LRATD2: variants seen among roughly 807,000 people sequenced by gnomAD.
The protein encoded by LRATD2 is protein LRATD2.
In LRATD2, 10 loss-of-function variants were observed where a neutral mutation model predicts 12.0. That is an observed-to-expected ratio of 0.83 (90% CI 0.51 to 1.41). LRATD2 has a LOEUF of 1.41. LRATD2 is among the 40% of genes most tolerant of loss of function. The pLI is 0.00. For synonymous variants in LRATD2, 220 were observed against 205.8 expected, an observed-to-expected ratio of 1.07 and a Z score of -0.59; for missense variants, 455 against 446.1, an observed-to-expected ratio of 1.02 and a Z score of -0.18.
Position 126,557,444 on chromosome 8 carries a change from C to G in LRATD2, c.-55G>C. The G allele has an allele frequency of 6.3e-7, 1 of 1,583,344 alleles. No homozygotes were observed. Among genetic ancestry groups the G allele is most frequent in the Non-Finnish European group, 8.6e-7 (1 of 1,164,532 alleles). ...CAAGGGGAGAAAGCGAAACCAACTCCAGGGTCATTTGCACAGGTCCCCGGA... is the reference window on the plus strand; with the variant it reads ...CAAGGGGAGAAAGCGAAACCAACTCGAGGGTCATTTGCACAGGTCCCCGGA... On this transcript the variant is annotated 5_prime_UTR_variant, in exon 2 of 2. Coordinates refer to ENST00000304916, the MANE Select transcript of LRATD2 (RefSeq NM_174911.5). The surrounding 1 kb of genome is among the most constrained non-coding windows in gnomAD (Gnocchi z 5.3).
At position 126,555,930 on chromosome 8, in the gene LRATD2, A is replaced by T. The variant is rs1182641708; in HGVS notation, c.*527T>A. 6.5e-6 allele frequency: 1 copy of T among 153,954 alleles called. No homozygotes were observed. Among genetic ancestry groups the T allele is most frequent in the Non-Finnish European group, 1.5e-5 (1 of 68,960 alleles). 9.5% of individuals were successfully genotyped at this position (153,954 alleles called of 1,614,324 possible). A position where few individuals can be genotyped will look rare whatever the true frequency, so the allele number is the denominator to read the frequency against. ...ACCAGCCCTGCGCTCCAGGAATCCC[A>T]TAAAATAAATCACCCCAGCCTCCTG... On this transcript the variant is annotated 3_prime_UTR_variant, in exon 2 of 2. Transcript: ENST00000304916.
chr8:126,556,544 G>A lies in LRATD2; in HGVS notation c.846C>T (p.Asp282=). The A allele has an allele frequency of 6.2e-7, 1 of 1,604,358 alleles. No homozygotes were observed. Among genetic ancestry groups the A allele is most frequent in the Non-Finnish European group, 8.5e-7 (1 of 1,176,354 alleles). ...GCGGCGTAGTCCGCGCCACGTTGCT[G>A]TCGCCCTCCTCCGGCTCCGCCGGGT... ...HLHPAEPEEG[D]SNVARTTPPP... Residue 282 remains aspartate (D), a synonymous_variant, in exon 2 of 2, where the codon GAC becomes GAT. Coordinates refer to ENST00000304916, the MANE Select transcript of LRATD2 (RefSeq NM_174911.5). The surrounding 1 kb of genome is among the most constrained non-coding windows in gnomAD (Gnocchi z 5.6).
rs1817449478 is a variant in LRATD2, at chr8:126,557,623, C to T, written c.-96-138G>A. 1.8e-6 allele frequency: 1 copy of T among 561,288 alleles called. No individual in the cohort carries two copies. 34.8% of individuals were successfully genotyped at this position (561,288 alleles called of 1,614,324 possible). On this transcript the variant is annotated intron_variant, in intron 1 of 1. Coordinates refer to ENST00000304916, the MANE Select transcript of LRATD2 (RefSeq NM_174911.5). The surrounding 1 kb of genome is among the most constrained non-coding windows in gnomAD (Gnocchi z 5.3). Reference sequence around the variant, plus strand: ...GTCTCGGGTGTAGCGAGCTTTCCCTCGTTTCTCCACCTGTAAGGTCACGGT... The same window carrying T: ...GTCTCGGGTGTAGCGAGCTTTCCCTTGTTTCTCCACCTGTAAGGTCACGGT...
rs1053985750 is a variant in LRATD2 at position 126,552,468 on chromosome 8, A to G, written c.*3989T>C. The G allele has an allele frequency of 3.3e-5, 5 of 152,658 alleles. No homozygotes were observed. The highest frequency in any genetic ancestry group is 1.2e-4 in the African/African-American group (5 of 41,448). The allele number at this position is 152,658 out of a possible 1,614,324, so 9.5% of individuals were successfully genotyped here. On this transcript the variant is annotated 3_prime_UTR_variant, in exon 2 of 2. Coordinates refer to ENST00000304916, the MANE Select transcript of LRATD2 (RefSeq NM_174911.5). ...TGAACTCTAATAGATGGTTTATTGG[A>G]AACGCTCATAGCATCTTTTGAAAAG...
At position 126,557,036 on chromosome 8, in the gene LRATD2, C is replaced by G. The variant is rs982973000; in HGVS notation, c.354G>C (p.Pro118=). ...GCGACACGAACTCCACCAGATCGCC[C>G]GGCTTGCACTTGTTGAGCAGGTTCT... ...TPENLLNKCK[P]GDLVEFVSQA... Residue 118 remains proline, a synonymous_variant, in exon 2 of 2, where the codon CCG becomes CCC. Transcript: ENST00000304916. The surrounding 1 kb of genome is among the most constrained non-coding windows in gnomAD (Gnocchi z 5.3). The G allele has an allele frequency of 1.2e-6, 2 of 1,606,988 alleles. No homozygotes were observed. The highest frequency in any genetic ancestry group is 8.5e-7 in the Non-Finnish European group (1 of 1,179,962).
rs1290266254 is a variant in LRATD2, at chr8:126,557,193, G to C, written c.197C>G (p.Pro66Arg). Residue 66 changes from proline to arginine, a missense_variant, in exon 2 of 2, where the codon CCG (proline) becomes CGG (arginine). Physicochemically the swap from Pro to Arg is moderately radical, Grantham distance 103 (BLOSUM62 -2). Transcript: ENST00000304916. The surrounding 1 kb of genome is among the most constrained non-coding windows in gnomAD (Gnocchi z 5.3). ...GTAGGGCTGCGGCTGGGGCGGCGGCGGCCCGTCCCCACCGTCGGGCAAGCC... is the reference window on the plus strand; with the variant it reads ...GTAGGGCTGCGGCTGGGGCGGCGGCCGCCCGTCCCCACCGTCGGGCAAGCC... ...GGGLPDGGDGPPPPQPQPYDP... is the reference protein window; with the variant it reads ...GGGLPDGGDGRPPPQPQPYDP... 2.5e-6 allele frequency: 4 copies of C among 1,602,714 alleles called. No individual in the cohort carries two copies. The highest frequency in any genetic ancestry group is 2.3e-5 in the East Asian group (1 of 44,184).
At position 126,556,910 on chromosome 8, in the gene LRATD2, C is replaced by T. The variant is rs558393893; in HGVS notation, c.480G>A (p.Gln160=). 5 of 1,609,574 alleles carry T rather than the reference C, an allele frequency of 3.1e-6. No individual in the cohort carries two copies. In the East Asian group the frequency reaches 8.9e-5, roughly 29 times the overall value. The part of the protein sequence containing the change: ...VINSFLTDAS[Q]GRRGRVVNDL... ...CGTTGACCACGCGGCCGCGACGGCC[C>T]TGGCTGGCGTCAGTCAGGAAGCTGT... The change falls in exon 2 of 2, where the codon CAG becomes CAA. Residue 160 remains glutamine, a synonymous_variant. Transcript: ENST00000304916. This position sits in a 1 kb window ranked among gnomAD's most constrained non-coding sequence, Gnocchi z 5.6.
chr8:126,552,785 C>G lies in LRATD2; in HGVS notation c.*3672G>C, dbSNP rs1333795786. 2.0e-5 allele frequency: 3 copies of G among 152,548 alleles called. No individual in the cohort carries two copies. The highest frequency in any genetic ancestry group is 4.4e-5 in the Non-Finnish European group (3 of 68,010). 9.4% of individuals were successfully genotyped at this position (152,548 alleles called of 1,614,324 possible). A position where few individuals can be genotyped will look rare whatever the true frequency, so the allele number is the denominator to read the frequency against. ...ACAAGTATTATAGCCAAGAACAAAA[C>G]AACAAAAAGCTGAATCAGTTGATAG... On this transcript the variant is annotated 3_prime_UTR_variant, in exon 2 of 2. Coordinates refer to ENST00000304916, the MANE Select transcript of LRATD2 (RefSeq NM_174911.5).
Position 126,557,026 on chromosome 8 carries a change from C to G in LRATD2, c.364G>C (p.Val122Leu). The G allele has an allele frequency of 6.2e-7, 1 of 1,606,852 alleles. No individual in the cohort carries two copies. Among genetic ancestry groups the G allele is most frequent in the Non-Finnish European group, 8.5e-7 (1 of 1,179,976 alleles). Residue 122 changes from valine to leucine, a missense_variant, in exon 2 of 2, where the codon GTG (valine) becomes CTG (leucine). Coordinates refer to ENST00000304916, the MANE Select transcript of LRATD2 (RefSeq NM_174911.5). This position sits in a 1 kb window ranked among gnomAD's most constrained non-coding sequence, Gnocchi z 5.3. ...LLNKCKPGDLVEFVSQAQYPH... is the reference protein window; with the variant it reads ...LLNKCKPGDLLEFVSQAQYPH... ...TACTGAGCCTGCGACACGAACTCCA[C>G]CAGATCGCCCGGCTTGCACTTGTTG...
rs1420294521 is a variant in LRATD2 at position 126,554,319 on chromosome 8, T to A, written c.*2138A>T. ...ACTGTGCCCGGCCTACCTTCTATTT[T>A]CACTACTGTGTTAAGCATGAAAGAA... On this transcript the variant is annotated 3_prime_UTR_variant, in exon 2 of 2. Transcript: ENST00000304916. 6.6e-6 allele frequency: 1 copy of A among 152,294 alleles called. No individual in the cohort carries two copies. The highest frequency in any genetic ancestry group is 1.5e-5 in the Non-Finnish European group (1 of 68,072). The allele number at this position is 152,294 out of a possible 1,614,324, so 9.4% of individuals were successfully genotyped here.
rs1817424280 is a variant in LRATD2 at position 126,557,074 on chromosome 8, TACTCA to T, written c.311_315del (p.Leu104HisfsTer34). On this transcript the variant is annotated frameshift_variant, in exon 2 of 2. Coordinates refer to ENST00000304916, the MANE Select transcript of LRATD2 (RefSeq NM_174911.5). LOFTEE classifies it high-confidence loss of function. This position sits in a 1 kb window ranked among gnomAD's most constrained non-coding sequence, Gnocchi z 5.3. Reference sequence around the variant, plus strand: ...TTGAGCAGGTTCTCGGGCGTGTAGGTACTCAGCGCCGCCGAGCCCGGCGCGAAGCT... The same window carrying T: ...TTGAGCAGGTTCTCGGGCGTGTAGGTGCGCCGCCGAGCCCGGCGCGAAGCT... 2.5e-6 allele frequency: 4 copies of T among 1,609,756 alleles called. No individual in the cohort carries two copies.
rs1354683569 is a variant in LRATD2, at chr8:126,552,549, T to C, written c.*3908A>G. ...AGTGAAGAGGAAATGGCTTAAAAGA[T>C]ATCATCAATCTTTTATTTAACTAAG... On this transcript the variant is annotated 3_prime_UTR_variant, in exon 2 of 2. Coordinates refer to ENST00000304916, the MANE Select transcript of LRATD2 (RefSeq NM_174911.5). 5 of 152,676 alleles carry C rather than the reference T, an allele frequency of 3.3e-5. No individual in the cohort carries two copies. Among genetic ancestry groups the C allele is most frequent in the Admixed American group, 2.0e-4 (3 of 15,280 alleles). 9.5% of individuals were successfully genotyped at this position (152,676 alleles called of 1,614,324 possible).
chr8:126,557,123 G>T lies in LRATD2; in HGVS notation c.267C>A (p.Asp89Glu). Residue 89 changes from aspartate to glutamate, a missense_variant, in exon 2 of 2, where the codon GAC (aspartate) becomes GAA (glutamate). By Grantham distance (45) the Asp-to-Glu change is conservative. Transcript: ENST00000304916. The surrounding 1 kb of genome is among the most constrained non-coding windows in gnomAD (Gnocchi z 5.3). ...CGAAGCTCTTCTGGTAGATGCATTC[G>T]TCCCGGTAGAACACGGAGCATTCCA... ...HEVECSVFYR[D>E]ECIYQKSFAP... 1 of 1,612,590 alleles carries T rather than the reference G, an allele frequency of 6.2e-7. No individual in the cohort carries two copies. The highest frequency in any genetic ancestry group is 1.1e-5 in the South Asian group (1 of 91,076).
At position 126,557,153 on chromosome 8, in the gene LRATD2, G is replaced by T. The variant is rs749315623; in HGVS notation, c.237C>A (p.His79Gln). ...GGTAGAACACGGAGCATTCCACCTC[G>T]TGCAGCCGCGGATCGTAGGGCTGCG... is the stretch of plus-strand genomic sequence containing the variant. ...PQPQPYDPRL[H>Q]EVECSVFYRD... is the part of the protein sequence containing the mutation. Residue 79 changes from histidine (H) to glutamine (Q), a missense_variant, in exon 2 of 2, where the codon CAC becomes CAA. Transcript: ENST00000304916. The surrounding 1 kb of genome is among the most constrained non-coding windows in gnomAD (Gnocchi z 5.3). The T allele has an allele frequency of 2.1e-5, 34 of 1,611,952 alleles. No individual in the cohort carries two copies. Among genetic ancestry groups the T allele is most frequent in the Admixed American group, 8.3e-5 (5 of 59,972 alleles).
In LRATD2 at chr8:126,556,465, C is replaced by T. The variant is rs1817394579; in HGVS notation, c.925G>A (p.Ala309Thr). ...TGCGCTCAGCTCGCCCATCAGTGTG[C>T]CACTGCCTCTCCGTCCTCCTCCTCG... ...SSEEEDGEAV[A>T]H The change falls in exon 2 of 2, where the codon GCA (alanine) becomes ACA (threonine). Residue 309 changes from alanine to threonine, a missense_variant. Physicochemically the swap from Ala to Thr is moderately conservative, Grantham distance 58. Transcript: ENST00000304916. The surrounding 1 kb of genome is among the most constrained non-coding windows in gnomAD (Gnocchi z 5.6). 6.3e-7 allele frequency: 1 copy of T among 1,576,012 alleles called. No individual in the cohort carries two copies. Among genetic ancestry groups the T allele is most frequent in the East Asian group, 2.3e-5 (1 of 43,566 alleles).
rs1817386318 is a variant in LRATD2 at position 126,556,179 on chromosome 8, G to A, written c.*278C>T. 2.1e-6 allele frequency: 1 copy of A among 468,944 alleles called. No homozygotes were observed. The highest frequency in any genetic ancestry group is 3.7e-6 in the Non-Finnish European group (1 of 268,808). 29.0% of individuals were successfully genotyped at this position (468,944 alleles called of 1,614,324 possible). On this transcript the variant is annotated 3_prime_UTR_variant, in exon 2 of 2. Coordinates refer to ENST00000304916, the MANE Select transcript of LRATD2 (RefSeq NM_174911.5). The surrounding 1 kb of genome is among the most constrained non-coding windows in gnomAD (Gnocchi z 5.6). ...CTACCAAGGTTTAAGTGCCAGGCAAGTCCACAGTTTGCTCCACCGCGGAGA... is the reference window on the plus strand; with the variant it reads ...CTACCAAGGTTTAAGTGCCAGGCAAATCCACAGTTTGCTCCACCGCGGAGA...
rs1817440190 is a variant in LRATD2, at chr8:126,557,404, A to G, written c.-15T>C. The G allele has an allele frequency of 6.2e-7, 1 of 1,608,712 alleles. No individual in the cohort carries two copies. Among genetic ancestry groups the G allele is most frequent in the East Asian group, 2.2e-5 (1 of 44,828 alleles). On this transcript the variant is annotated 5_prime_UTR_variant, in exon 2 of 2. Transcript: ENST00000304916. This position sits in a 1 kb window ranked among gnomAD's most constrained non-coding sequence, Gnocchi z 5.3. ...TGGTTGCCCATCACGCTGCGGACAC[A>G]CGTTCACACCGCCGCAAGGGGAGAA...
Position 126,557,611 on chromosome 8 carries a change from C to A in LRATD2, c.-96-126G>T, listed in dbSNP as rs534368853. The stretch of plus-strand genomic sequence containing the variant: ...TTTTAGGGGGAAGTCTCGGGTGTAG[C>A]GAGCTTTCCCTCGTTTCTCCACCTG... On this transcript the variant is annotated intron_variant, in intron 1 of 1. Transcript: ENST00000304916. This position sits in a 1 kb window ranked among gnomAD's most constrained non-coding sequence, Gnocchi z 5.3. 5.2e-6 allele frequency: 3 copies of A among 575,064 alleles called. No homozygotes were observed. Among genetic ancestry groups the A allele is most frequent in the Non-Finnish European group, 9.1e-6 (3 of 329,114 alleles). 35.6% of individuals were successfully genotyped at this position (575,064 alleles called of 1,614,324 possible). A position where few individuals can be genotyped will look rare whatever the true frequency, so the allele number is the denominator to read the frequency against.
In LRATD2 at chr8:126,557,237, A is replaced by AGGCGGC; in HGVS notation, c.147_152dup (p.Pro50_Pro51dup). 6.2e-7 allele frequency: 1 copy of AGGCGGC among 1,603,808 alleles called. No homozygotes were observed. Among genetic ancestry groups the AGGCGGC allele is most frequent in the Non-Finnish European group, 8.5e-7 (1 of 1,175,548 alleles). On this transcript the variant is annotated inframe_insertion, in exon 2 of 2. Coordinates refer to ENST00000304916, the MANE Select transcript of LRATD2 (RefSeq NM_174911.5). The surrounding 1 kb of genome is among the most constrained non-coding windows in gnomAD (Gnocchi z 5.3). Reference sequence around the variant, plus strand: ...GCAAGCCGCCGCCATCTGGCCCCTGAGGCGGCGGCTGCGGCTCCACGTCCT... The same window carrying AGGCGGC: ...GCAAGCCGCCGCCATCTGGCCCCTGAGGCGGCGGCGGCGGCTGCGGCTCCACGTCCT...
Sources: allele counts gnomAD v4.1 joint callset, GRCh38; gene constraint gnomAD v4.1.1; non-coding constraint Gnocchi (gnomAD v3.1); transcripts MANE v1.5; gene names NCBI Gene and HGNC (gene_info 2026-07-23, HGNC 2026-07-21).